Variants in UCHL5 observed in about 807,000 individuals in gnomAD.
UCHL5 encodes ubiquitin carboxyl-terminal hydrolase isozyme L5.
In UCHL5, 34 loss-of-function variants were observed where a neutral mutation model predicts 53.8. That is an observed-to-expected ratio of 0.63 (90% confidence interval 0.48 to 0.84). The LOEUF is 0.84. UCHL5 is among the 40% of genes least tolerant of loss of function. The probability of loss-of-function intolerance (pLI) is 0.00; values close to 1 mark genes in which losing one functional copy is unlikely to be tolerated. For synonymous variants in UCHL5, 111 were observed against 126.3 expected, an observed-to-expected ratio of 0.88 and a Z score of 0.81; for missense variants, 290 against 385.6, an observed-to-expected ratio of 0.75 and a Z score of 2.08.
chr1:193,058,778 G>A (rs1345977765), intron 1 of UCHL5, among the ~76,000 whole-genome samples: 1 of 152,236 alleles, frequency 6.6e-6, no homozygotes, highest in Non-Finnish European at 1.5e-5. Context: ...CCCTAGGGTG[G>A]CTTCTGCAGG....
At chr1:193,046,526 T>C (rs1667370239) in intron 3 of UCHL5, among the ~76,000 whole-genome samples, 1 of 151,942 alleles carries the variant, frequency 6.6e-6, no homozygotes, top group Non-Finnish European at 1.5e-5. Context: ...CATAACATGA[T>C]CAAGTTTCTT....
In UCHL5 at chr1:193,059,091, A is replaced by T; in HGVS notation, c.76+94T>A. 7.5e-7 allele frequency: 1 copy of T among 1,337,586 alleles called. No individual in the cohort carries two copies. Among genetic ancestry groups the T allele is most frequent in the Non-Finnish European group, 1.0e-6 (1 of 999,508 alleles). The allele number at this position is 1,337,586 out of a possible 1,614,324, so 82.9% of individuals were successfully genotyped here. A position where few individuals can be genotyped will look rare whatever the true frequency, so the allele number is the denominator to read the frequency against. On this transcript the variant is annotated intron_variant, in intron 1 of 10. Coordinates refer to ENST00000367454, the MANE Select transcript of UCHL5 (RefSeq NM_001199261.3). The surrounding 1 kb of genome is among the most constrained non-coding windows in gnomAD (Gnocchi z 4.9). ...CAGGTTCCTGAAGTCACCTCTCCAG[A>T]CGCGGGGCGGCGGTGGCCGCAGGGA...
At chr1:193,059,592 G>A (rs753569159), upstream of UCHL5, 4 of 1,465,504 alleles carry the variant, frequency 2.7e-6, no homozygotes, top group South Asian at 4.6e-5. This position sits in a 1 kb window ranked among gnomAD's most constrained non-coding sequence, Gnocchi z 4.9. Flanking sequence ...GCGGAGGCGG[G>A]GCAAAAGAAG....
At position 193,059,267 on chromosome 1, in the gene UCHL5, G is replaced by A. The variant is rs750516831; in HGVS notation, c.-7C>T. 6 of 1,613,774 alleles carry A rather than the reference G, an allele frequency of 3.7e-6. No homozygotes were observed. The highest frequency in any genetic ancestry group is 5.1e-6 in the Non-Finnish European group (6 of 1,179,972). On this transcript the variant is annotated 5_prime_UTR_variant, in exon 1 of 11. Transcript: ENST00000367454. The surrounding 1 kb of genome is among the most constrained non-coding windows in gnomAD (Gnocchi z 4.9). ...CCCCGGCATTGCCCGTCATGGCCCT[G>A]GCCACACACCGCCCCGATCCACCTC... is the stretch of plus-strand genomic sequence containing the variant.
chr1:193,023,036 C>T lies in UCHL5; in HGVS notation c.733G>A (p.Glu245Lys). The change falls in exon 9 of 11, where the codon GAA becomes AAA. Residue 245 changes from glutamate to lysine, a missense_variant and splice_region_variant. Glu to Lys is a moderately conservative substitution (Grantham distance 56). Transcript: ENST00000367454. ...TTACCTTGATCTGTATCCATGGGTT[C>T]CTCCTTGGGGGAAGGAAAAGAAATA... The part of the protein sequence containing the change: ...IAELQRQLAE[E>K]PMDTDQGNSM... The T allele has an allele frequency of 6.2e-6, 10 of 1,606,180 alleles. No homozygotes were observed. The highest frequency in any genetic ancestry group is 8.5e-6 in the Non-Finnish European group (10 of 1,174,606).
At chr1:193,035,613 C>G (rs1237429109) in intron 3 of UCHL5, among the ~76,000 whole-genome samples, 1 of 151,964 alleles carries the variant, frequency 6.6e-6, no homozygotes, top group East Asian at 1.9e-4. Flanking sequence ...TCAATCTGAA[C>G]AGAAAAAAAC....
At position 193,013,819 on chromosome 1, in the gene UCHL5, G is replaced by A. The variant is rs962268338; in HGVS notation, c.*2532C>T. 9 of 152,122 alleles carry A rather than the reference G, an allele frequency of 5.9e-5. No homozygotes were observed. The highest frequency in any genetic ancestry group is 2.1e-4 in the South Asian group (1 of 4,834). 9.4% of individuals were successfully genotyped at this position (152,122 alleles called of 1,614,324 possible). ...GTCCTAACTGGGGGAGCAAGTCCCC[G>A]TGGTTGTGATTCCCGAGCAAATATT... On this transcript the variant is annotated 3_prime_UTR_variant, in exon 11 of 11. Coordinates refer to ENST00000367454, the MANE Select transcript of UCHL5 (RefSeq NM_001199261.3).
At chr1:193,057,995 C>T (rs1171815028) in intron 1 of UCHL5, among the ~76,000 whole-genome samples, 1 of 151,946 alleles carries the variant, frequency 6.6e-6, no homozygotes, top group Non-Finnish European at 1.5e-5. Context: ...TTTGGGAGGC[C>T]GAGGCGGGTG....
At chr1:193,038,831 C>G (rs1664546627) in intron 3 of UCHL5, among the ~76,000 whole-genome samples, 1 of 150,488 alleles carries the variant, frequency 6.6e-6, no homozygotes, top group South Asian at 2.1e-4. Flanking sequence ...CCTGTCTCTA[C>G]AGAAAATTCT....
upstream of UCHL5, chr1:193,059,875 GGT>G (rs1177632979): frequency 2.9e-6 from 4 of 1,364,830 alleles, no homozygotes; most frequent in Non-Finnish European, 3.9e-6. This position sits in a 1 kb window ranked among gnomAD's most constrained non-coding sequence, Gnocchi z 4.9. Context: ...GCATCCCAGG[GGT>G]TGAGGCTGGG....
rs1051063892 is a variant in UCHL5 at position 193,013,273 on chromosome 1, T to C, written c.*3078A>G. 3 of 152,096 alleles carry C rather than the reference T, an allele frequency of 2.0e-5. No homozygotes were observed. Among genetic ancestry groups the C allele is most frequent in the African/African-American group, 7.2e-5 (3 of 41,428 alleles). 9.4% of individuals were successfully genotyped at this position (152,096 alleles called of 1,614,324 possible). On this transcript the variant is annotated 3_prime_UTR_variant, in exon 11 of 11. Transcript: ENST00000367454. ...CCAATACTGTATGTTTGGATGGGAG[T>C]AATCTCTGGAGACTTAAGCTTGAAA...
intron 3 of UCHL5, among the ~76,000 whole-genome samples, chr1:193,030,920 T>C (rs975553773): frequency 6.6e-6 from 1 of 152,276 alleles, no homozygotes; most frequent in East Asian, 1.9e-4. Flanking sequence ...CAGAATAGTC[T>C]CGTACTCCTA....
intron 10 of UCHL5, chr1:193,020,488 A>AGCT: frequency 6.6e-7 from 1 of 1,519,216 alleles, no homozygotes. Context: ...TGTATTTTAA[A>AGCT]GAGTATCCAC....
At chr1:193,051,464 A>G (rs1669019035) in intron 2 of UCHL5, among the ~76,000 whole-genome samples, 1 of 149,274 alleles carries the variant, frequency 6.7e-6, no homozygotes, top group Non-Finnish European at 1.5e-5. Flanking sequence ...ATTGATATAT[A>G]AGTGAATTTT....
chr1:193,020,264 T>C, intron 10 of UCHL5: 6 of 1,521,654 alleles, frequency 3.9e-6, no homozygotes, highest in Non-Finnish European at 5.3e-6. Flanking sequence ...GAAATCAATC[T>C]TTGCTTTGTA....
intron 3 of UCHL5, among the ~76,000 whole-genome samples, chr1:193,047,237 A>T (rs1250126399): frequency 1.3e-5 from 2 of 152,176 alleles, no homozygotes; most frequent in African/African-American, 4.8e-5. Context: ...AACAATGCCT[A>T]GCAAAGTAGG....
At chr1:193,029,511 G>T in intron 4 of UCHL5, 21 bp downstream of exon 4, 9 of 1,612,558 alleles carry the variant, frequency 5.6e-6, no homozygotes, top group Non-Finnish European at 7.6e-6. Flanking sequence ...GACATTTTAG[G>T]AATAAGAAGA....
Position 193,049,687 on chromosome 1 carries a change from G to C in UCHL5, c.246+59C>G, listed in dbSNP as rs1177923529. On this transcript the variant is annotated intron_variant, in intron 3 of 10. Transcript: ENST00000367454. ...ACTAGTAGCAAACAGTAGTAAACTAGAGTCTTGTTTATAAAAAGGGTTGCT... is the reference window on the plus strand; with the variant it reads ...ACTAGTAGCAAACAGTAGTAAACTACAGTCTTGTTTATAAAAAGGGTTGCT... 10 of 1,378,810 alleles carry C rather than the reference G, an allele frequency of 7.3e-6. No individual in the cohort carries two copies. In the African/African-American group the frequency reaches 1.3e-4, roughly 18 times the overall value. The allele number at this position is 1,378,810 out of a possible 1,614,324, so 85.4% of individuals were successfully genotyped here. A position where few individuals can be genotyped will look rare whatever the true frequency, so the allele number is the denominator to read the frequency against.
At chr1:193,030,525 C>T (rs1397113457) in intron 3 of UCHL5, among the ~76,000 whole-genome samples, 1 of 152,188 alleles carries the variant, frequency 6.6e-6, no homozygotes, top group Admixed American at 6.5e-5. Context: ...GTTTCTTCCA[C>T]ACTGCCTAAG....
Sources: gnomAD v4.1 joint callset for allele counts (sites outside exome capture counted in the v4.1 genomes callset) on GRCh38, gnomAD v4.1.1 for gene constraint, Gnocchi (gnomAD v3.1) non-coding constraint, MANE v1.5 for transcripts, NCBI Gene and HGNC (gene_info 2026-07-23, HGNC 2026-07-21) for gene names.